Variants in ESRRG observed in about 807,000 individuals in gnomAD.
ESRRG encodes estrogen related receptor gamma.
Under a neutral mutation model 44.0 loss-of-function variants are expected in ESRRG, and 13 were observed. The observed-to-expected ratio is 0.30, with a 90% confidence interval of 0.19 to 0.47. ESRRG has a LOEUF of 0.47. ESRRG is among the 20% of genes least tolerant of loss of function. The pLI, the probability that ESRRG is intolerant of heterozygous loss-of-function variation, is 1.00. For missense variants in ESRRG, 395 were observed against 580.6 expected, an observed-to-expected ratio of 0.68 and a Z score of 3.29; for synonymous variants, 215 against 214.6, an observed-to-expected ratio of 1.00 and a Z score of -0.02.
At chr1:216,928,532 C>T (rs751102257) in intron 2 of ESRRG, among the ~76,000 whole-genome samples, 5 of 152,144 alleles carry the variant, frequency 3.3e-5, no homozygotes, top group African/African-American at 9.7e-5. Flanking sequence ...CCTCCATGTT[C>T]GTGGACATTT....
intron 2 of ESRRG, among the ~76,000 whole-genome samples, chr1:216,823,571 G>C (rs1047903702): frequency 4.6e-5 from 7 of 152,096 alleles, no homozygotes; most frequent in Admixed American, 2.6e-4. Context: ...AAACACAAGA[G>C]AAAACTCATT....
At chr1:216,894,033 G>T (rs2058126699) in intron 2 of ESRRG, among the ~76,000 whole-genome samples, 1 of 152,140 alleles carries the variant, frequency 6.6e-6, no homozygotes. Context: ...ATGCATGTTG[G>T]CTTCAGTGTG....
At chr1:216,808,813 GCT>G (rs777773041) in intron 2 of ESRRG, among the ~76,000 whole-genome samples, 195 of 152,230 alleles carry the variant, frequency 1.3e-3, no homozygotes, top group Admixed American at 2.9e-3. Flanking sequence ...TTTGCTCCCA[GCT>G]CAGGTCCCAA....
chr1:217,064,946 G>T (rs1013612171), intron 1 of ESRRG, among the ~76,000 whole-genome samples: 1 of 152,032 alleles, frequency 6.6e-6, no homozygotes, highest in Non-Finnish European at 1.5e-5. Flanking sequence ...GGGACAAAAA[G>T]AAGAAGAAAA....
At position 216,880,304 on chromosome 1, in the gene ESRRG, C is replaced by CAAAAAAAAAAAAAAAAAAAAAA. The variant is rs11301281; in HGVS notation, c.-14+59256_-14+59277dup. On this transcript the variant is annotated intron_variant, in intron 2 of 7. Coordinates refer to the ESRRG transcript ENST00000359162. ...CCTGAGCGACAACAAGCCTCCCTCTCAAAAAAAAAAAAAAAAAAAAAAAAA... is the reference window on the plus strand; with the variant it reads ...CCTGAGCGACAACAAGCCTCCCTCTCAAAAAAAAAAAAAAAAAAAAAAAAAAAAAAAAAAAAAAAAAAAAAAA... Among the ~76,000 whole-genome samples the CAAAAAAAAAAAAAAAAAAAAAA allele has an allele frequency of 2.1e-4, 6 of 29,034 alleles. 1 individual carries two copies. Among genetic ancestry groups the CAAAAAAAAAAAAAAAAAAAAAA allele is most frequent in the Admixed American group, 7.0e-4 (1 of 1,432 alleles). 19.0% of individuals were successfully genotyped at this position (29,034 alleles called of 152,430 possible).
At chr1:216,833,664 C>CATATTAAATATTAAAG (rs2095520284) in intron 2 of ESRRG, among the ~76,000 whole-genome samples, 1 of 152,164 alleles carries the variant, frequency 6.6e-6, no homozygotes, top group East Asian at 1.9e-4. Context: ...AGAGAAAGAT[C>CATATTAAATATTAAAG]ATCTGTCTAA....
At chr1:216,955,589 C>T (rs2067801003) in intron 1 of ESRRG, among the ~76,000 whole-genome samples, 1 of 152,028 alleles carries the variant, frequency 6.6e-6, no homozygotes. Flanking sequence ...CACAGTAGTT[C>T]TATTTTTAGG....
chr1:216,745,218 GC>G (rs1318378027), intron 2 of ESRRG, among the ~76,000 whole-genome samples: 1 of 151,960 alleles, frequency 6.6e-6, no homozygotes, highest in Non-Finnish European at 1.5e-5. Flanking sequence ...GAGTGCAGTG[GC>G]ACAACCATGA....
intron 2 of ESRRG, among the ~76,000 whole-genome samples, chr1:216,898,370 C>T (rs1223475393): frequency 6.6e-6 from 1 of 152,162 alleles, no homozygotes; most frequent in Non-Finnish European, 1.5e-5. Flanking sequence ...GTAATCCCAG[C>T]ACTTTGGGAG....
At chr1:216,836,553 G>A (rs771358253) in intron 2 of ESRRG, among the ~76,000 whole-genome samples, 1 of 152,104 alleles carries the variant, frequency 6.6e-6, no homozygotes, top group South Asian at 2.1e-4. Flanking sequence ...TAGGATGACC[G>A]GGGAAGCGCC....
chr1:216,763,750 A>G (rs1010766048), intron 2 of ESRRG, among the ~76,000 whole-genome samples: 1 of 152,130 alleles, frequency 6.6e-6, no homozygotes, highest in Admixed American at 6.5e-5. Context: ...ATCCCAACAG[A>G]TGTAGAGGTG....
rs560893704 is a variant in ESRRG, at chr1:216,966,839, A to G, written c.-105-27166T>C. On this transcript the variant is annotated intron_variant, in intron 1 of 7. Transcript: ENST00000359162. ...CCAGCTGTCAAAACCCATGCATCCT[A>G]CAGAGGGTGGCTGCTTTTTTAAGAA... Among the ~76,000 whole-genome samples the G allele has an allele frequency of 3.9e-5, 6 of 152,200 alleles. No individual in the cohort carries two copies. In the East Asian group the frequency reaches 1.2e-3, roughly 29 times the overall value.
At chr1:216,559,408 AG>A (rs1302627304) in intron 5 of ESRRG, among the ~76,000 whole-genome samples, 2 of 152,222 alleles carry the variant, frequency 1.3e-5, no homozygotes, top group Non-Finnish European at 2.9e-5. Context: ...GATGCAGCAG[AG>A]GGTGGAAACT....
At chr1:216,891,733 G>T (rs1464695094) in intron 2 of ESRRG, among the ~76,000 whole-genome samples, 1 of 148,810 alleles carries the variant, frequency 6.7e-6, no homozygotes, top group Admixed American at 6.7e-5. Flanking sequence ...AGGAAATAAA[G>T]TTATCAAGAA....
intron 2 of ESRRG, among the ~76,000 whole-genome samples, chr1:216,800,231 T>C (rs1215460885): frequency 2.6e-5 from 4 of 152,132 alleles, no homozygotes; most frequent in Non-Finnish European, 5.9e-5. Context: ...CCCCAGCACA[T>C]TGATGATATG....
rs1455111297 is a variant in ESRRG, at chr1:216,505,847, C to T, written c.*1092G>A. 3 of 152,506 alleles carry T rather than the reference C, an allele frequency of 2.0e-5. No individual in the cohort carries two copies. Among genetic ancestry groups the T allele is most frequent in the Non-Finnish European group, 4.4e-5 (3 of 68,022 alleles). 9.4% of individuals were successfully genotyped at this position (152,506 alleles called of 1,614,324 possible). On this transcript the variant is annotated 3_prime_UTR_variant, in exon 7 of 7. Coordinates refer to ENST00000408911, the MANE Select transcript of ESRRG (RefSeq NM_001438.4). ...CTATTGCTTGAGTAAGTTAAATTCC[C>T]ATATTAATAAATGGCTGAAAAGTGG...
At chr1:216,677,046 G>C in intron 2 of ESRRG, 30 bp downstream of exon 2, 1 of 1,572,062 alleles carries the variant, frequency 6.4e-7, no homozygotes, top group Non-Finnish European at 8.7e-7. Context: ...GGTTGGAAGT[G>C]GGGAGAGTAT....
chr1:216,997,986 C>T (rs1041737602), intron 1 of ESRRG, among the ~76,000 whole-genome samples: 1 of 152,090 alleles, frequency 6.6e-6, no homozygotes, highest in Non-Finnish European at 1.5e-5. Flanking sequence ...TTTTTTCTTC[C>T]CTTTTTTAAC....
intron 2 of ESRRG, among the ~76,000 whole-genome samples, chr1:216,764,248 T>C (rs1381010969): frequency 1.3e-5 from 2 of 151,736 alleles, no homozygotes; most frequent in African/African-American, 2.4e-5. Context: ...CTAGTCTTGC[T>C]AGGTTGCCCA....
Sources: allele counts gnomAD v4.1 joint callset (sites outside exome capture counted in the v4.1 genomes callset), GRCh38; gene constraint gnomAD v4.1.1; transcripts MANE v1.5; gene names NCBI Gene and HGNC (gene_info 2026-07-23, HGNC 2026-07-21).